Variants in CACHD1 observed in about 807,000 individuals in gnomAD.
CACHD1 encodes VWFA and cache domain-containing protein 1.
In CACHD1, 71 loss-of-function variants were observed where a neutral mutation model predicts 138.7. The ratio of observed to expected loss-of-function variants is 0.51; its 90% confidence interval spans 0.42 to 0.62. The LOEUF (loss-of-function observed/expected upper bound fraction) is 0.62. CACHD1 is among the 20% of genes least tolerant of loss of function. The probability of loss-of-function intolerance (pLI) is 0.00; values close to 1 mark genes in which losing one functional copy is unlikely to be tolerated. For synonymous variants in CACHD1, 578 were observed against 591.5 expected (o/e 0.98, Z 0.33); for missense variants, 1,389 against 1,625.3 (o/e 0.85, Z 2.50).
chr1:64,601,450 G>T (rs1269218640), intron 3 of CACHD1, among the ~76,000 whole-genome samples: 1 of 152,226 alleles, frequency 6.6e-6, no homozygotes, highest in African/African-American at 2.4e-5. Context: ...CCACGTTGGT[G>T]AAGCAACTGT....
At chr1:64,634,321 A>G (rs2100644986) in intron 7 of CACHD1, 61 bp downstream of exon 7, 2 of 1,111,796 alleles carry the variant, frequency 1.8e-6, no homozygotes, top group East Asian at 4.8e-5. Context: ...ATAGGAATAT[A>G]TTGTAAATTG....
chr1:64,690,469 A>T (rs1158748986), intron 26 of CACHD1, among the ~76,000 whole-genome samples: 1 of 152,246 alleles, frequency 6.6e-6, no homozygotes, highest in Non-Finnish European at 1.5e-5. Flanking sequence ...AAAACATGCC[A>T]GGAATCTCAG....
intron 3 of CACHD1, among the ~76,000 whole-genome samples, chr1:64,593,578 G>T (rs1647125233): frequency 6.6e-6 from 1 of 152,130 alleles, no homozygotes; most frequent in African/African-American, 2.4e-5. Flanking sequence ...TCTCCATGAA[G>T]ATATGTTTTG....
chr1:64,511,900 G>T (rs1309363614), intron 1 of CACHD1, among the ~76,000 whole-genome samples: 1 of 152,162 alleles, frequency 6.6e-6, no homozygotes, highest in Non-Finnish European at 1.5e-5. Flanking sequence ...GAACATGGTG[G>T]CCATCTCACA....
At chr1:64,500,733 AAAGAG>A (rs1300303421) in intron 1 of CACHD1, among the ~76,000 whole-genome samples, 33 of 122,068 alleles carry the variant, frequency 2.7e-4, no homozygotes, top group African/African-American at 1.2e-3. Context: ...AAAAAAAAAA[AAAGAG>A]AGAGAGAGAG....
intron 26 of CACHD1, 104 bp downstream of exon 26, chr1:64,682,210 C>A: frequency 1.0e-6 from 1 of 960,016 alleles, no homozygotes. Flanking sequence ...AAGACACACC[C>A]CAGCATGCCA....
chr1:64,521,233 A>T (rs1227174854), intron 1 of CACHD1, among the ~76,000 whole-genome samples: 2 of 152,190 alleles, frequency 1.3e-5, no homozygotes, highest in African/African-American at 4.8e-5. Context: ...TGGGGGTTGC[A>T]CTAAGCTCAT....
intron 2 of CACHD1, among the ~76,000 whole-genome samples, chr1:64,566,479 T>TCCGCC (rs1491151032): frequency 3.3e-5 from 4 of 120,752 alleles, no homozygotes; most frequent in South Asian, 5.7e-4. Flanking sequence ...TGTTTTCAAT[T>TCCGCC]CCCCCCCCCC....
intron 11 of CACHD1, among the ~76,000 whole-genome samples, chr1:64,654,306 A>G (rs113531320): frequency 2.0e-5 from 3 of 152,312 alleles, no homozygotes; most frequent in African/African-American, 4.8e-5. Flanking sequence ...AATCTTATAC[A>G]TTGTTTTTTC....
intron 8 of CACHD1, among the ~76,000 whole-genome samples, chr1:64,647,078 A>AT (rs1648931279): frequency 1.3e-5 from 2 of 152,098 alleles, no homozygotes; most frequent in African/African-American, 4.8e-5. Context: ...AAAAAAAAAA[A>AT]AGTGTATTAA....
intron 3 of CACHD1, among the ~76,000 whole-genome samples, chr1:64,592,915 G>A (rs1426654421): frequency 1.3e-5 from 2 of 152,152 alleles, no homozygotes; most frequent in Non-Finnish European, 2.9e-5. Context: ...AAATAGGGAT[G>A]TACAGTATGT....
intron 1 of CACHD1, among the ~76,000 whole-genome samples, chr1:64,543,735 T>A (rs1646696304): frequency 6.6e-6 from 1 of 152,062 alleles, no homozygotes; most frequent in Non-Finnish European, 1.5e-5. Flanking sequence ...TGAGGTCTAA[T>A]CTGGACAGGA....
intron 14 of CACHD1, 101 bp from the exon 15 acceptor site, chr1:64,664,397 T>C (rs754273456): frequency 2.6e-6 from 3 of 1,148,008 alleles, no homozygotes; most frequent in Middle Eastern, 2.4e-4. Flanking sequence ...GTAATTCGGC[T>C]TGGCTTCTCT....
rs186329405 is a variant in CACHD1 at position 64,489,255 on chromosome 1, C to T, written c.198+18313C>T. On this transcript the variant is annotated intron_variant, in intron 1 of 26. Coordinates refer to ENST00000651257, the MANE Select transcript of CACHD1 (RefSeq NM_020925.4). The stretch of plus-strand genomic sequence containing the variant: ...TTTTTATTTCCGTCTTATAACTGAG[C>T]TGCCAGTTGCCCTGAGACTTTTTCC... Among the ~76,000 whole-genome samples, 7 of 152,264 alleles carry T rather than the reference C, an allele frequency of 4.6e-5. No homozygotes were observed. The East Asian group carries it at 1.3e-3, about 29-fold the overall frequency.
intron 2 of CACHD1, among the ~76,000 whole-genome samples, chr1:64,573,217 C>A (rs1198246564): frequency 6.6e-6 from 1 of 152,086 alleles, no homozygotes; most frequent in East Asian, 1.9e-4. Flanking sequence ...GTGGAGCCCC[C>A]ATGATGGAAT....
At chr1:64,595,150 G>A (rs903246355) in intron 3 of CACHD1, among the ~76,000 whole-genome samples, 6 of 152,158 alleles carry the variant, frequency 3.9e-5, no homozygotes, top group African/African-American at 1.4e-4. Flanking sequence ...ACTCTTAGTT[G>A]TTAGTGCCTC....
chr1:64,572,878 A>C (rs1184547886), intron 2 of CACHD1, among the ~76,000 whole-genome samples: 1 of 152,132 alleles, frequency 6.6e-6, no homozygotes, highest in Non-Finnish European at 1.5e-5. Flanking sequence ...ACTACCCTGA[A>C]GTCTCCACAG....
chr1:64,632,061 G>A (rs886893172), intron 5 of CACHD1, among the ~76,000 whole-genome samples: 3 of 151,958 alleles, frequency 2.0e-5, no homozygotes, highest in South Asian at 2.1e-4. Context: ...TCCAACCCTG[G>A]TGATGGGACC....
chr1:64,540,241 C>A (rs1404160449), intron 1 of CACHD1, among the ~76,000 whole-genome samples: 1 of 152,026 alleles, frequency 6.6e-6, no homozygotes, highest in Non-Finnish European at 1.5e-5. Context: ...TCCAAGAATA[C>A]ATGTATGGCC....
Sources: allele counts gnomAD v4.1 joint callset (sites outside exome capture counted in the v4.1 genomes callset), GRCh38; gene constraint gnomAD v4.1.1; transcripts MANE v1.5; gene names NCBI Gene and HGNC (gene_info 2026-07-23, HGNC 2026-07-21).